Variants in ARHGEF19 observed in about 807,000 individuals in gnomAD.
ARHGEF19 encodes the protein Rho guanine nucleotide exchange factor (GEF) 19.
Under a neutral mutation model 87.6 loss-of-function variants are expected in ARHGEF19, and 92 were observed. That is an observed-to-expected ratio of 1.05 (90% CI 0.89 to 1.25). The LOEUF (loss-of-function observed/expected upper bound fraction) is 1.25, where lower values mean the gene tolerates loss of function less well. ARHGEF19 is among the 50% of genes most tolerant of loss of function. The pLI is 0.00. For synonymous variants in ARHGEF19, 438 were observed against 446.2 expected (o/e 0.98, Z 0.23); for missense variants, 1,054 against 1,051.8 (o/e 1.00, Z -0.03).
At chr1:16,204,664 C>G (rs978383315) in intron 12 of ARHGEF19, 95 bp downstream of exon 12, 1 of 1,424,586 alleles carries the variant, frequency 7.0e-7, no homozygotes, top group Non-Finnish European at 9.3e-7. Context: ...GCAGGGACTC[C>G]CAGGCCCAGG....
chr1:16,206,262 C>T lies in ARHGEF19; in HGVS notation c.1216G>A (p.Ala406Thr), dbSNP rs1214679318. The change falls in exon 7 of 16, where the codon GCC (alanine) becomes ACC (threonine). Residue 406 changes from alanine (A) to threonine (T), a missense_variant. Transcript: ENST00000270747. This position sits in a 1 kb window ranked among gnomAD's most constrained non-coding sequence, Gnocchi z 4.6. ...GCCCCCAGACACTCGCTCAGCTCGG[C>T]AGAGCCTAAGAAGTGGCCCACAGCC... is the stretch of plus-strand genomic sequence containing the variant. ...SVAVGHFLGS[A>T]ELSECLGAQD... is the part of the protein sequence containing the mutation. The T allele has an allele frequency of 1.9e-6, 3 of 1,590,604 alleles. No individual in the cohort carries two copies. Among genetic ancestry groups the T allele is most frequent in the Non-Finnish European group, 2.6e-6 (3 of 1,168,880 alleles).
chr1:16,208,028 G>A lies in ARHGEF19; in HGVS notation c.610C>T (p.Arg204Trp), dbSNP rs141036884. 2,916 of 1,613,506 alleles carry A rather than the reference G, an allele frequency of 1.8e-3. 6 individuals carry two copies. The highest frequency in any genetic ancestry group is 1.9e-3 in the Non-Finnish European group (2,256 of 1,180,018). ...RRFSASELMT[R>W]LHSSLRLGRN... ...CCCAGGCGCAGAGAAGAGTGCAGCC[G>A]GGTCATCAGCTCCGATGCCGAGAAG... The change falls in exon 3 of 16, where the codon CGG becomes TGG. Residue 204 changes from arginine (R) to tryptophan (W), a missense_variant. Transcript: ENST00000270747.
chr1:16,207,045 G>A lies in ARHGEF19; in HGVS notation c.1040C>T (p.Ala347Val). The change falls in exon 6 of 16, where the codon GCG becomes GTG. Residue 347 changes from alanine (A) to valine (V), a missense_variant. Coordinates refer to ENST00000270747, the MANE Select transcript of ARHGEF19 (RefSeq NM_153213.5). This position sits in a 1 kb window ranked among gnomAD's most constrained non-coding sequence, Gnocchi z 4.0. ...CCACAGCGAGAAGGTGGAGCCTCGC[G>A]CCGAGCGCTGCGCCCGGAAGGAGCT... ...PSSSFRAQRS[A>V]RGSTFSLWQD... 2 of 1,508,124 alleles carry A rather than the reference G, an allele frequency of 1.3e-6. No individual in the cohort carries two copies. Among genetic ancestry groups the A allele is most frequent in the Middle Eastern group, 1.7e-4 (1 of 5,782 alleles). The allele number at this position is 1,508,124 out of a possible 1,614,324, so 93.4% of individuals were successfully genotyped here. A position where few individuals can be genotyped will look rare whatever the true frequency, so the allele number is the denominator to read the frequency against.
At chr1:16,209,455 A>G (rs957203034) in intron 1 of ARHGEF19, among the ~76,000 whole-genome samples, 2 of 152,154 alleles carry the variant, frequency 1.3e-5, no homozygotes, top group African/African-American at 4.8e-5. Context: ...GTACTTCTCT[A>G]AAACACACTG....
intron 1 of ARHGEF19, 129 bp from the exon 2 acceptor site, chr1:16,209,212 G>A: frequency 1.8e-6 from 1 of 558,898 alleles, no homozygotes; most frequent in Admixed American, 4.3e-5. Context: ...ACACTCACAT[G>A]TCTAATTATA....
intron 2 of ARHGEF19, 27 bp from the exon 3 acceptor site, chr1:16,208,252 C>G: frequency 6.2e-7 from 1 of 1,602,980 alleles, no homozygotes; most frequent in South Asian, 1.1e-5. Context: ...GGAGTGAGAG[C>G]ACGGGCTGGG....
Position 16,206,434 on chromosome 1 carries a change from G to T in ARHGEF19, c.1138-94C>A. On this transcript the variant is annotated intron_variant, in intron 6 of 15. Transcript: ENST00000270747. The surrounding 1 kb of genome is among the most constrained non-coding windows in gnomAD (Gnocchi z 4.6). ...CCCAGACCCCAGGACGCCACACCTC[G>T]CGTCCTCGCCCCTTCTCTAGCCCCA... 2 of 1,399,930 alleles carry T rather than the reference G, an allele frequency of 1.4e-6. No individual in the cohort carries two copies. The highest frequency in any genetic ancestry group is 2.0e-6 in the Non-Finnish European group (2 of 1,011,346). The allele number at this position is 1,399,930 out of a possible 1,614,324, so 86.7% of individuals were successfully genotyped here.
Position 16,201,784 on chromosome 1 carries a change from TC to T in ARHGEF19, c.2143del (p.Glu715LysfsTer20), listed in dbSNP as rs1296729700. On this transcript the variant is annotated frameshift_variant, in exon 14 of 16. Coordinates refer to ENST00000270747, the MANE Select transcript of ARHGEF19 (RefSeq NM_153213.5). LOFTEE classifies it high-confidence loss of function. The part of the protein sequence containing the change: ...QEDKEVISEG[E>X]DCPQVQCVRT... ...AAGCAGCAGGGATGAGCTACTACCTTCCCCCTCACTGATGACCTCCTTGTCC... is the reference window on the plus strand; with the variant it reads ...AAGCAGCAGGGATGAGCTACTACCTTCCCCTCACTGATGACCTCCTTGTCC... The T allele has an allele frequency of 6.2e-7, 1 of 1,613,228 alleles. No homozygotes were observed. Among genetic ancestry groups the T allele is most frequent in the Non-Finnish European group, 8.5e-7 (1 of 1,179,546 alleles).
Position 16,201,291 on chromosome 1 carries a change from G to A in ARHGEF19, c.2146+491C>T, listed in dbSNP as rs58143553. Among the ~76,000 whole-genome samples the A allele has an allele frequency of 1.1e-4, 17 of 152,248 alleles. No homozygotes were observed. The South Asian group carries it at 2.3e-3, about 20-fold the overall frequency. On this transcript the variant is annotated intron_variant, in intron 14 of 15. Coordinates refer to ENST00000270747, the MANE Select transcript of ARHGEF19 (RefSeq NM_153213.5). ...TAGGAAGGCTCTCTATGATTAGGTC[G>A]CACCCTGGCTTACCAGCCTCACTTC...
Position 16,206,144 on chromosome 1 carries a change from G to C in ARHGEF19, c.1298+36C>G. 3.2e-6 allele frequency: 5 copies of C among 1,584,090 alleles called. No individual in the cohort carries two copies. The highest frequency in any genetic ancestry group is 4.3e-6 in the Non-Finnish European group (5 of 1,163,700). On this transcript the variant is annotated intron_variant, in intron 7 of 15. Coordinates refer to ENST00000270747, the MANE Select transcript of ARHGEF19 (RefSeq NM_153213.5). The surrounding 1 kb of genome is among the most constrained non-coding windows in gnomAD (Gnocchi z 4.6). ...TGGGAGCTGGCCAACCACTGGCTCCGTCCCCACCCCGGGCCAGGCCAGACC... is the reference window on the plus strand; with the variant it reads ...TGGGAGCTGGCCAACCACTGGCTCCCTCCCCACCCCGGGCCAGGCCAGACC...
rs566133973 is a variant in ARHGEF19, at chr1:16,209,279, C to T, written c.-29-196G>A. Among the ~76,000 whole-genome samples the T allele has an allele frequency of 3.9e-5, 6 of 152,350 alleles. No individual in the cohort carries two copies. In the South Asian group the frequency reaches 1.2e-3, roughly 32 times the overall value. On this transcript the variant is annotated intron_variant, in intron 1 of 15. Transcript: ENST00000270747. ...TGAATGATAGGCCAAGTACTTTACA[C>T]ATACTATCTCATTTAATCCTCACAA... is the stretch of plus-strand genomic sequence containing the variant.
chr1:16,208,100 ACTC>A lies in ARHGEF19; in HGVS notation c.535_537del (p.Glu179del), dbSNP rs1557542678. 6.2e-7 allele frequency: 1 copy of A among 1,613,618 alleles called. No individual in the cohort carries two copies. Among genetic ancestry groups the A allele is most frequent in the Admixed American group, 1.7e-5 (1 of 60,004 alleles). ...AGGCTCACTCGGGTGGACCCAGACA[ACTC>A]CACCCTGGGCTCCTCTGTGCTCAGG... On this transcript the variant is annotated inframe_deletion, in exon 3 of 16. Coordinates refer to ENST00000270747, the MANE Select transcript of ARHGEF19 (RefSeq NM_153213.5).
At position 16,198,479 on chromosome 1, in the gene ARHGEF19, G is replaced by A; in HGVS notation, c.*108C>T. 2.1e-6 allele frequency: 3 copies of A among 1,406,520 alleles called. No individual in the cohort carries two copies. Among genetic ancestry groups the A allele is most frequent in the Non-Finnish European group, 2.8e-6 (3 of 1,054,316 alleles). 87.1% of individuals were successfully genotyped at this position (1,406,520 alleles called of 1,614,324 possible). A position where few individuals can be genotyped will look rare whatever the true frequency, so the allele number is the denominator to read the frequency against. On this transcript the variant is annotated 3_prime_UTR_variant, in exon 16 of 16. Coordinates refer to ENST00000270747, the MANE Select transcript of ARHGEF19 (RefSeq NM_153213.5). The surrounding 1 kb of genome is among the most constrained non-coding windows in gnomAD (Gnocchi z 4.1). ...CTGTGCCCTCAATGCCAAGGCCACA[G>A]AAGCGAAGTGCCAGCAGGAGCAGCT...
chr1:16,199,494 C>T (rs2081067430), intron 14 of ARHGEF19, among the ~76,000 whole-genome samples: 1 of 152,136 alleles, frequency 6.6e-6, no homozygotes, highest in South Asian at 2.1e-4. Context: ...CAGTCCCTCC[C>T]AGCTTCAGTT....
Position 16,198,433 on chromosome 1 carries a change from GC to G in ARHGEF19, c.*153del. ...GAGGACGGAGAGACCCTCTGGAGGC[GC>G]CCCCATTCCTGTGTCCAGCCTGTGC... On this transcript the variant is annotated 3_prime_UTR_variant, in exon 16 of 16. Transcript: ENST00000270747. This position sits in a 1 kb window ranked among gnomAD's most constrained non-coding sequence, Gnocchi z 4.1. 3 of 886,756 alleles carry G rather than the reference GC, an allele frequency of 3.4e-6. No homozygotes were observed. Among genetic ancestry groups the G allele is most frequent in the Non-Finnish European group, 4.9e-6 (3 of 616,244 alleles). 54.9% of individuals were successfully genotyped at this position (886,756 alleles called of 1,614,324 possible).
At position 16,205,830 on chromosome 1, in the gene ARHGEF19, C is replaced by A; in HGVS notation, c.1451+101G>T. 6.7e-7 allele frequency: 1 copy of A among 1,499,070 alleles called. No homozygotes were observed. The highest frequency in any genetic ancestry group is 1.3e-5 in the South Asian group (1 of 77,384). The allele number at this position is 1,499,070 out of a possible 1,614,324, so 92.9% of individuals were successfully genotyped here. On this transcript the variant is annotated intron_variant, in intron 8 of 15. Transcript: ENST00000270747. The surrounding 1 kb of genome is among the most constrained non-coding windows in gnomAD (Gnocchi z 5.8). ...GGTCACAGAGACCTTTTCAGGGACC[C>A]CTCCCCTCCCAGAGTCACCTTACGT...
intron 1 of ARHGEF19, among the ~76,000 whole-genome samples, chr1:16,211,777 T>C (rs11260703): frequency 0.085 from 12,924 of 152,136 alleles, 842 homozygotes; most frequent in Non-Finnish European, 0.13. Context: ...CTCATCTCTG[T>C]TAGAAAAAAA....
At chr1:16,208,423 T>C (rs1232742211) in intron 2 of ARHGEF19, among the ~76,000 whole-genome samples, 198 bp from the exon 3 acceptor site, 1 of 152,160 alleles carries the variant, frequency 6.6e-6, no homozygotes, top group Non-Finnish European at 1.5e-5. Flanking sequence ...CTGGCTGCAG[T>C]AGACAGAGGG....
chr1:16,202,099 C>T (rs2100266163), intron 13 of ARHGEF19, among the ~76,000 whole-genome samples: 1 of 152,318 alleles, frequency 6.6e-6, no homozygotes, highest in African/African-American at 2.4e-5. Context: ...GCCCTACCCC[C>T]ATCCTGCCTA....
Sources: gnomAD v4.1 joint callset for allele counts (sites outside exome capture counted in the v4.1 genomes callset) on GRCh38, gnomAD v4.1.1 for gene constraint, Gnocchi (gnomAD v3.1) non-coding constraint, MANE v1.5 for transcripts, NCBI Gene and HGNC (gene_info 2026-07-23, HGNC 2026-07-21) for gene names.